NTN1: variants seen among roughly 807,000 people sequenced by gnomAD.
NTN1 encodes the protein netrin-1.
Under a neutral mutation model 54.2 loss-of-function variants are expected in NTN1, and 11 were observed. That is an observed-to-expected ratio of 0.20 (90% confidence interval 0.13 to 0.34). The LOEUF is 0.34. Among genes scored for constraint, NTN1 ranks in the 10% least tolerant of loss-of-function variants. NTN1 has a pLI of 1.00. For synonymous variants in NTN1, 371 were observed against 382.0 expected (o/e 0.97, Z 0.33); for missense variants, 740 against 893.1 (o/e 0.83, Z 2.18).
intron 2 of NTN1, among the ~76,000 whole-genome samples, chr17:9,067,156 ACCT>A (rs888889972): frequency 6.6e-6 from 1 of 151,706 alleles, no homozygotes; most frequent in Middle Eastern, 3.2e-3. Flanking sequence ...AGTCTCAGCT[ACCT>A]GGGAGGCTGA....
chr17:9,204,789 A>G (rs568053678), intron 5 of NTN1, among the ~76,000 whole-genome samples: 47 of 152,354 alleles, frequency 3.1e-4, no homozygotes, highest in Admixed American at 1.9e-3. Flanking sequence ...AAGGACGTCA[A>G]TGAGGAATAC....
At chr17:9,169,391 A>T (rs1337168838) in intron 3 of NTN1, among the ~76,000 whole-genome samples, 1 of 152,226 alleles carries the variant, frequency 6.6e-6, no homozygotes, top group Non-Finnish European at 1.5e-5. Flanking sequence ...GTCTTTACAG[A>T]TGAAAAGAGT....
chr17:9,108,293 T>C (rs2092175080), intron 2 of NTN1, among the ~76,000 whole-genome samples: 1 of 152,078 alleles, frequency 6.6e-6, no homozygotes. Flanking sequence ...GCGGTGGGGA[T>C]GTTATCATGC....
Position 9,212,324 on chromosome 17 carries a change from T to C in NTN1, c.1412-8844T>C, listed in dbSNP as rs1355226632. ...AGGTGAGAGCCAGCTTCCTGGGGAG[T>C]GTGTCCTCCATTCTCATCATGCCTC... On this transcript the variant is annotated intron_variant, in intron 5 of 6. Coordinates refer to ENST00000173229, the MANE Select transcript of NTN1 (RefSeq NM_004822.3). The surrounding 1 kb of genome is among the most constrained non-coding windows in gnomAD (Gnocchi z 5.5). Among the ~76,000 whole-genome samples the C allele has an allele frequency of 1.1e-4, 16 of 152,044 alleles. No individual in the cohort carries two copies. Among genetic ancestry groups the C allele is most frequent in the African/African-American group, 3.6e-4 (15 of 41,382 alleles).
intron 2 of NTN1, among the ~76,000 whole-genome samples, chr17:9,112,680 C>T (rs2092196193): frequency 2.6e-5 from 4 of 151,824 alleles, no homozygotes; most frequent in African/African-American, 7.3e-5. Context: ...AAAAAATTAG[C>T]CGGGCGTGGT....
Position 9,202,267 on chromosome 17 carries a change from TG to T in NTN1, c.1412-18899del, listed in dbSNP as rs1220009605. Among the ~76,000 whole-genome samples the T allele has an allele frequency of 2.6e-5, 4 of 151,624 alleles. 1 individual carries two copies. The highest frequency in any genetic ancestry group is 2.4e-5 in the African/African-American group (1 of 41,242). ...AAAAAAAAGATATAAAAGATGAACTTGGCAACTTGTTGAAGCCTGAGACATG... is the reference window on the plus strand; with the variant it reads ...AAAAAAAAGATATAAAAGATGAACTTGCAACTTGTTGAAGCCTGAGACATG... On this transcript the variant is annotated intron_variant, in intron 5 of 6. Coordinates refer to ENST00000173229, the MANE Select transcript of NTN1 (RefSeq NM_004822.3).
chr17:9,230,783 C>A (rs1013338756), intron 6 of NTN1, among the ~76,000 whole-genome samples: 1 of 152,152 alleles, frequency 6.6e-6, no homozygotes, highest in Non-Finnish European at 1.5e-5. Context: ...ATCTGGGCAG[C>A]TTTCTGGCCC....
the NTN1 span, among the ~76,000 whole-genome samples, chr17:9,012,177 C>T: frequency 8.5e-5 from 13 of 152,050 alleles, no homozygotes; most frequent in Non-Finnish European, 1.3e-4. Flanking sequence ...CTCTCAGCCT[C>T]CCCTCTGAGC....
intron 2 of NTN1, among the ~76,000 whole-genome samples, chr17:9,110,009 A>G (rs1161669840): frequency 6.6e-6 from 1 of 152,146 alleles, no homozygotes; most frequent in East Asian, 1.9e-4. Flanking sequence ...TATTCTGGAT[A>G]CAAGTCCTTT....
At chr17:9,054,686 G>A (rs2091972924) in intron 2 of NTN1, among the ~76,000 whole-genome samples, 1 of 152,142 alleles carries the variant, frequency 6.6e-6, no homozygotes, top group Admixed American at 6.5e-5. Context: ...AGTTTGGCGA[G>A]CTCGCAGGGA....
intron 5 of NTN1, among the ~76,000 whole-genome samples, chr17:9,206,886 C>T (rs866513806): frequency 2.6e-5 from 4 of 152,208 alleles, no homozygotes; most frequent in Admixed American, 6.5e-5. Flanking sequence ...CTCCAAGCTT[C>T]GCTTTTTAAG....
chr17:9,042,418 G>C (rs773538507), intron 2 of NTN1, among the ~76,000 whole-genome samples: 1 of 151,902 alleles, frequency 6.6e-6, no homozygotes, highest in Non-Finnish European at 1.5e-5. Context: ...AGGGGTTTGA[G>C]GCTATAATGC....
chr17:9,036,383 C>CTTTTT (rs869283987), intron 2 of NTN1, among the ~76,000 whole-genome samples: 3 of 107,220 alleles, frequency 2.8e-5, no homozygotes, highest in Non-Finnish European at 5.4e-5. Flanking sequence ...CGTCTCTTAT[C>CTTTTT]TTTTTTTTTT....
intron 2 of NTN1, among the ~76,000 whole-genome samples, chr17:9,047,192 A>T (rs79174098): frequency 0.01 from 1,529 of 152,270 alleles, 27 homozygotes; most frequent in African/African-American, 0.032. Context: ...GTGGTTGCTA[A>T]AGGCTGGGTG....
chr17:9,174,496 C>T (rs1330501929), intron 3 of NTN1: 2 of 152,498 alleles, frequency 1.3e-5, no homozygotes, highest in Non-Finnish European at 2.9e-5. Flanking sequence ...GCTGGAAGTC[C>T]AAGATCAAGG....
chr17:9,152,514 C>G (rs1287018080), intron 2 of NTN1, among the ~76,000 whole-genome samples: 1 of 152,160 alleles, frequency 6.6e-6, no homozygotes, highest in Non-Finnish European at 1.5e-5. Context: ...CGCCACCACC[C>G]CAGGGCCATG....
chr17:9,209,434 T>G (rs1426469816), intron 5 of NTN1, among the ~76,000 whole-genome samples: 1 of 152,222 alleles, frequency 6.6e-6, no homozygotes, highest in Non-Finnish European at 1.5e-5. Context: ...CCTGTCAGAC[T>G]CAGGCCTGGT....
At chr17:9,200,243 T>G (rs778840953) in intron 5 of NTN1, among the ~76,000 whole-genome samples, 4 of 152,220 alleles carry the variant, frequency 2.6e-5, no homozygotes, top group Admixed American at 1.3e-4. Flanking sequence ...GGTTCCCTAT[T>G]GGGACAGCTT....
intron 5 of NTN1, among the ~76,000 whole-genome samples, chr17:9,195,257 T>C (rs1000985655): frequency 3.9e-5 from 5 of 128,048 alleles, no homozygotes; most frequent in African/African-American, 1.1e-4. Flanking sequence ...GCCATTTGCA[T>C]GGTGGGTTTC....
Sources: allele counts gnomAD v4.1 joint callset (sites outside exome capture counted in the v4.1 genomes callset), GRCh38; gene constraint gnomAD v4.1.1; non-coding constraint Gnocchi (gnomAD v3.1); transcripts MANE v1.5; gene names NCBI Gene and HGNC (gene_info 2026-07-23, HGNC 2026-07-21).